The following KCNIP1 variants were observed in gnomAD, a reference collection of about 807,000 sequenced individuals.
KCNIP1 encodes A-type potassium channel modulatory protein KCNIP1.
KCNIP1 carries 18 observed loss-of-function variants against 33.0 expected under a neutral mutation model. The observed-to-expected ratio is 0.55, with a 90% CI of 0.38 to 0.81. The LOEUF (loss-of-function observed/expected upper bound fraction) is 0.81, where lower values mean the gene tolerates loss of function less well. Among genes scored for constraint, KCNIP1 ranks in the 30% least tolerant of loss-of-function variants. The pLI, the probability that KCNIP1 is intolerant of heterozygous loss-of-function variation, is 0.00. For synonymous variants in KCNIP1, 93 were observed against 98.3 expected (o/e 0.95, Z 0.32); for missense variants, 238 against 271.6 (o/e 0.88, Z 0.87).
At chr5:170,568,753 G>A (rs527431372) in intron 1 of KCNIP1, among the ~76,000 whole-genome samples, 3 of 151,088 alleles carry the variant, frequency 2.0e-5, no homozygotes, top group East Asian at 3.9e-4. Flanking sequence ...GACCTGAGAG[G>A]TGGAGGTTGC....
intron 1 of KCNIP1, among the ~76,000 whole-genome samples, chr5:170,392,515 A>G (rs1754629882): frequency 6.6e-6 from 1 of 152,208 alleles, no homozygotes; most frequent in Non-Finnish European, 1.5e-5. Context: ...GGAGTGTTAC[A>G]GGAGAGTTTA....
intron 1 of KCNIP1, among the ~76,000 whole-genome samples, chr5:170,658,702 C>G (rs944572643): frequency 6.6e-6 from 1 of 152,092 alleles, no homozygotes; most frequent in African/African-American, 2.4e-5. Flanking sequence ...GCACAGCATC[C>G]AGGCCACAGC....
chr5:170,488,790 G>T (rs910968304), intron 1 of KCNIP1, among the ~76,000 whole-genome samples: 5 of 152,210 alleles, frequency 3.3e-5, no homozygotes, highest in Non-Finnish European at 2.9e-5. Flanking sequence ...AGGGTGTCTT[G>T]AGTGTGTGTG....
chr5:170,674,511 T>C lies in KCNIP1; in HGVS notation c.62-44247T>C, dbSNP rs1762057283. On this transcript the variant is annotated intron_variant, in intron 1 of 7. Transcript: ENST00000328939. ...CCCTGCCGGGAGGCATCGACTCCCG[T>C]TCTCCAGCCTGTTTTAAGCAGACAG... Among the ~76,000 whole-genome samples the C allele has an allele frequency of 3.3e-5, 5 of 152,230 alleles. No individual in the cohort carries two copies. In the South Asian group the frequency reaches 1.0e-3, roughly 32 times the overall value.
chr5:170,673,792 C>A (rs560160342), intron 1 of KCNIP1, among the ~76,000 whole-genome samples: 1 of 152,028 alleles, frequency 6.6e-6, no homozygotes, highest in Non-Finnish European at 1.5e-5. Flanking sequence ...CACTCTATAC[C>A]CTTGTCCAAG....
intron 1 of KCNIP1, among the ~76,000 whole-genome samples, chr5:170,566,884 G>T (rs1476880822): frequency 9.2e-5 from 14 of 152,242 alleles, no homozygotes; most frequent in Non-Finnish European, 5.9e-5. Flanking sequence ...GAATTAGGAA[G>T]AAGGAAGATA....
chr5:170,713,567 C>T (rs920659411), intron 1 of KCNIP1, among the ~76,000 whole-genome samples: 30 of 152,214 alleles, frequency 2.0e-4, no homozygotes, highest in Non-Finnish European at 3.1e-4. Context: ...GTCAGATAAT[C>T]CCATTTTCCA....
At position 170,735,999 on chromosome 5, in the gene KCNIP1, C is replaced by G. The variant is rs546046931; in HGVS notation, c.*193C>G. The stretch of plus-strand genomic sequence containing the variant: ...GTGGCTCAGTCTCTGATTGCCAACT[C>G]TTCCTCTTTCTTCTTCTTGAGAGAG... On this transcript the variant is annotated 3_prime_UTR_variant, in exon 8 of 8. Transcript: ENST00000328939. 1.2e-5 allele frequency: 7 copies of G among 567,094 alleles called. No individual in the cohort carries two copies. The highest frequency in any genetic ancestry group is 3.7e-5 in the African/African-American group (2 of 53,464). The allele number at this position is 567,094 out of a possible 1,614,324, so 35.1% of individuals were successfully genotyped here. A position where few individuals can be genotyped will look rare whatever the true frequency, so the allele number is the denominator to read the frequency against.
chr5:170,721,211 G>A (rs1763809612), intron 3 of KCNIP1, among the ~76,000 whole-genome samples: 1 of 152,172 alleles, frequency 6.6e-6, no homozygotes, highest in African/African-American at 2.4e-5. Context: ...TTGGTGTGTG[G>A]GGCCCCTACC....
In KCNIP1 at chr5:170,701,917, T is replaced by A. The variant is rs550255427; in HGVS notation, c.62-16841T>A. 8.5e-5 allele frequency among the ~76,000 whole-genome samples: 13 copies of A among 152,304 alleles called. No individual in the cohort carries two copies. The South Asian group carries it at 2.7e-3, about 32-fold the overall frequency. On this transcript the variant is annotated intron_variant, in intron 1 of 7. Coordinates refer to ENST00000328939, the MANE Select transcript of KCNIP1 (RefSeq NM_014592.4). ...ACTTCAAAGCTCACCATCACTCCTC[T>A]CTCACTGATGCTCAAGTGGGCTATC...
intron 1 of KCNIP1, among the ~76,000 whole-genome samples, chr5:170,484,566 T>C (rs1034258971): frequency 6.6e-6 from 1 of 152,104 alleles, no homozygotes; most frequent in Admixed American, 6.5e-5. Flanking sequence ...ATTCCATTGC[T>C]CTGTTCTGTT....
intron 1 of KCNIP1, among the ~76,000 whole-genome samples, chr5:170,635,876 G>T (rs945504762): frequency 2.0e-5 from 3 of 152,236 alleles, no homozygotes; most frequent in African/African-American, 4.8e-5. Context: ...GCCAGGCAGG[G>T]GCTGCCAGTG....
intron 1 of KCNIP1, among the ~76,000 whole-genome samples, chr5:170,450,702 C>CCAGAAA (rs1756228582): frequency 6.6e-6 from 1 of 152,170 alleles, no homozygotes; most frequent in Non-Finnish European, 1.5e-5. Context: ...GCCCCGATCC[C>CCAGAAA]CAGAAACAGT....
chr5:170,442,513 T>C (rs1756017098), intron 1 of KCNIP1, among the ~76,000 whole-genome samples: 1 of 152,150 alleles, frequency 6.6e-6, no homozygotes, highest in Admixed American at 6.5e-5. Context: ...AGGGCCTCGT[T>C]CTGCGTTCAG....
chr5:170,423,761 G>C (rs1755551200), intron 1 of KCNIP1, among the ~76,000 whole-genome samples: 2 of 152,170 alleles, frequency 1.3e-5, no homozygotes, highest in African/African-American at 4.8e-5. Flanking sequence ...GCTTTATTCT[G>C]TGTGGAATTT....
intron 1 of KCNIP1, among the ~76,000 whole-genome samples, chr5:170,471,739 C>CCT (rs765700478): frequency 7.9e-5 from 12 of 152,114 alleles, no homozygotes; most frequent in Non-Finnish European, 1.3e-4. Context: ...CACCCTGGGG[C>CCT]CTCTCTCTCT....
At chr5:170,523,457 C>T (rs1755446289) in intron 1 of KCNIP1, among the ~76,000 whole-genome samples, 1 of 152,188 alleles carries the variant, frequency 6.6e-6, no homozygotes, top group African/African-American at 2.4e-5. Context: ...GGAACTGCAG[C>T]CAGTGGCTGA....
chr5:170,402,235 G>A (rs577336942), intron 1 of KCNIP1, among the ~76,000 whole-genome samples: 3 of 152,150 alleles, frequency 2.0e-5, no homozygotes, highest in Admixed American at 2.0e-4. Context: ...TTCCTAATAA[G>A]ATCATATTCA....
At chr5:170,476,475 C>G (rs1164208647) in intron 1 of KCNIP1, among the ~76,000 whole-genome samples, 2 of 152,144 alleles carry the variant, frequency 1.3e-5, no homozygotes, top group Non-Finnish European at 2.9e-5. Context: ...CCAATCTCCC[C>G]CTTCTTCATG....
Sources: gnomAD v4.1 joint callset for allele counts (sites outside exome capture counted in the v4.1 genomes callset) on GRCh38, gnomAD v4.1.1 for gene constraint, MANE v1.5 for transcripts, NCBI Gene and HGNC (gene_info 2026-07-23, HGNC 2026-07-21) for gene names.